The following BCR variants were observed in gnomAD, a reference collection of about 807,000 sequenced individuals.
The protein encoded by BCR is BCR activator of RhoGEF and GTPase.
A neutral mutation model predicts 138.6 loss-of-function variants in BCR; 58 were observed. That is an observed-to-expected ratio of 0.42 (90% CI 0.34 to 0.52). BCR has a LOEUF of 0.52. Ranked by LOEUF, BCR falls within the 20% of genes least tolerant of loss-of-function variation. The pLI is 0.06. For synonymous variants in BCR, 786 were observed against 730.1 expected (o/e 1.08, Z -1.23); for missense variants, 1,599 against 1,727.2 (o/e 0.93, Z 1.32).
chr22:23,201,721 CT>C (rs1218889246), intron 1 of BCR, among the ~76,000 whole-genome samples: 4 of 152,180 alleles, frequency 2.6e-5, no homozygotes, highest in Admixed American at 2.6e-4. Flanking sequence ...TCCCAAAGTG[CT>C]GGGATTACAG....
intron 1 of BCR, among the ~76,000 whole-genome samples, chr22:23,249,890 C>G (rs1185546690): frequency 6.6e-6 from 1 of 152,150 alleles, no homozygotes; most frequent in Admixed American, 6.6e-5. Flanking sequence ...CATCAGTCAC[C>G]CAGACATTGA....
intron 16 of BCR, among the ~76,000 whole-genome samples, chr22:23,300,151 ACT>A (rs1294233533): frequency 6.6e-6 from 1 of 151,930 alleles, no homozygotes; most frequent in Admixed American, 6.6e-5. Context: ...TCAAACTGAA[ACT>A]CTACACCCAT....
intron 16 of BCR, among the ~76,000 whole-genome samples, chr22:23,303,459 T>C (rs138849355): frequency 6.6e-6 from 1 of 152,324 alleles, no homozygotes; most frequent in Non-Finnish European, 1.5e-5. Flanking sequence ...CAGGGGGGTC[T>C]CTGATGTGCC....
chr22:23,239,636 C>T (rs181324281), intron 1 of BCR, among the ~76,000 whole-genome samples: 12 of 152,248 alleles, frequency 7.9e-5, no homozygotes, highest in East Asian at 7.7e-4. Flanking sequence ...GTTATGGCTG[C>T]GTAACAAAGA....
At chr22:23,310,866 G>T (rs1249946453) in intron 18 of BCR, among the ~76,000 whole-genome samples, 1 of 151,592 alleles carries the variant, frequency 6.6e-6, no homozygotes, top group Non-Finnish European at 1.5e-5. Context: ...CTCTGACCTT[G>T]CTGGTCACGT....
At chr22:23,202,080 T>A (rs2072559408) in intron 1 of BCR, among the ~76,000 whole-genome samples, 1 of 152,240 alleles carries the variant, frequency 6.6e-6, no homozygotes, top group African/African-American at 2.4e-5. Context: ...AAGGGCCATA[T>A]TATTACTTTG....
At position 23,292,016 on chromosome 22, in the gene BCR, G is replaced by A. The variant is rs985151101; in HGVS notation, c.2783-525G>A. Among the ~76,000 whole-genome samples the A allele has an allele frequency of 3.9e-5, 6 of 152,040 alleles. No homozygotes were observed. The East Asian group carries it at 5.8e-4, about 15-fold the overall frequency. On this transcript the variant is annotated intron_variant, in intron 14 of 22. Coordinates refer to ENST00000305877, the MANE Select transcript of BCR (RefSeq NM_004327.4). ...CCCAGCCCACTCTTCTCCAGGCCTC[G>A]CCTCCCTCCCTTCCCCCTGCACCCC...
At chr22:23,304,337 C>CA (rs1289270389) in intron 16 of BCR, among the ~76,000 whole-genome samples, 3 of 152,068 alleles carry the variant, frequency 2.0e-5, no homozygotes, top group Non-Finnish European at 4.4e-5. Flanking sequence ...TGGAATCATA[C>CA]TAGAGTGGGC....
At chr22:23,288,866 G>A (rs575417464) in intron 12 of BCR, among the ~76,000 whole-genome samples, 222 of 152,324 alleles carry the variant, frequency 1.5e-3, no homozygotes, top group Non-Finnish European at 1.4e-3. Context: ...GGAGGTTTGG[G>A]ATTCACCCTG....
chr22:23,193,587 G>A (rs2072441429), intron 1 of BCR, among the ~76,000 whole-genome samples: 1 of 152,224 alleles, frequency 6.6e-6, no homozygotes, highest in Non-Finnish European at 1.5e-5. Context: ...GTGTGTCAGG[G>A]CCCTCATTCT....
At chr22:23,215,586 A>G (rs2072742151) in intron 1 of BCR, among the ~76,000 whole-genome samples, 3 of 152,242 alleles carry the variant, frequency 2.0e-5, no homozygotes, top group African/African-American at 7.2e-5. Flanking sequence ...GATATGGTTC[A>G]GGGAAGATGG....
In BCR at chr22:23,264,152, G is replaced by A. The variant is rs1329332310; in HGVS notation, c.1752+2612G>A. On this transcript the variant is annotated intron_variant, in intron 4 of 22. Coordinates refer to ENST00000305877, the MANE Select transcript of BCR (RefSeq NM_004327.4). ...ACAACAGCACCCTGTACTGCCTGCA[G>A]ACAGATGGCAACCACTTGCTTGCCA... is the stretch of plus-strand genomic sequence containing the variant. The A allele has an allele frequency of 2.6e-6, 4 of 1,517,348 alleles. No homozygotes were observed. The Admixed American group carries it at 6.7e-5, about 25-fold the overall frequency. The allele number at this position is 1,517,348 out of a possible 1,614,324, so 94.0% of individuals were successfully genotyped here. A position where few individuals can be genotyped will look rare whatever the true frequency, so the allele number is the denominator to read the frequency against.
At chr22:23,295,945 C>T (rs1312870360) in intron 16 of BCR, among the ~76,000 whole-genome samples, 1 of 152,130 alleles carries the variant, frequency 6.6e-6, no homozygotes, top group African/African-American at 2.4e-5. Flanking sequence ...GCTCTCTCTT[C>T]CCAGGACCTT....
intron 2 of BCR, among the ~76,000 whole-genome samples, chr22:23,254,278 C>T (rs1476685262): frequency 2.6e-5 from 4 of 152,020 alleles, no homozygotes; most frequent in Non-Finnish European, 5.9e-5. Flanking sequence ...GTGGTGGCGC[C>T]GGCAACACTC....
chr22:23,181,873 CAGG>C lies in BCR; in HGVS notation c.916_918del (p.Glu306del). On this transcript the variant is annotated inframe_deletion, in exon 1 of 23. Coordinates refer to ENST00000305877, the MANE Select transcript of BCR (RefSeq NM_004327.4). ...CCTGCGCAGCCAGAGCACCTCTGAG[CAGG>C]AGAAGCGCCTTACCTGGCCCCGCAG... 1.9e-6 allele frequency: 3 copies of C among 1,613,222 alleles called. No homozygotes were observed. The highest frequency in any genetic ancestry group is 2.5e-6 in the Non-Finnish European group (3 of 1,179,934).
At chr22:23,281,767 G>C (rs540983254) in intron 8 of BCR, among the ~76,000 whole-genome samples, 2 of 152,288 alleles carry the variant, frequency 1.3e-5, no homozygotes, top group South Asian at 4.1e-4. Flanking sequence ...CCTGCAGCCC[G>C]CACCCCAGAG....
chr22:23,181,500 C>G lies in BCR; in HGVS notation c.540C>G (p.Val180=). 6.2e-7 allele frequency: 1 copy of G among 1,612,244 alleles called. No homozygotes were observed. The highest frequency in any genetic ancestry group is 8.5e-7 in the Non-Finnish European group (1 of 1,179,434). The change falls in exon 1 of 23, where the codon GTC becomes GTG. Residue 180 remains valine (V), a synonymous_variant. Coordinates refer to ENST00000305877, the MANE Select transcript of BCR (RefSeq NM_004327.4). ...CCGAGAAGCCCTTCTACGTGAACGTCGAGTTTCACCACGAGCGCGGCCTGG... is the reference window on the plus strand; with the variant it reads ...CCGAGAAGCCCTTCTACGTGAACGTGGAGTTTCACCACGAGCGCGGCCTGG... ...ADAEKPFYVN[V]EFHHERGLVK...
At chr22:23,289,927 C>T (rs1439876111) in intron 13 of BCR, 1 of 517,240 alleles carries the variant, frequency 1.9e-6, no homozygotes, top group Non-Finnish European at 3.5e-6. Context: ...CACTCCCGTC[C>T]TCCCAGCCCT....
chr22:23,290,515 G>C (rs1030813334), intron 14 of BCR, 102 bp downstream of exon 14: 3 of 1,191,114 alleles, frequency 2.5e-6, no homozygotes, highest in African/African-American at 3.0e-5. Context: ...AGGTTGTTCA[G>C]ATGACCACGG....
Sources: allele counts gnomAD v4.1 joint callset (sites outside exome capture counted in the v4.1 genomes callset), GRCh38; gene constraint gnomAD v4.1.1; transcripts MANE v1.5; gene names NCBI Gene and HGNC (gene_info 2026-07-23, HGNC 2026-07-21).